The following MRAP2 variants were observed in gnomAD, a reference collection of about 807,000 sequenced individuals.
MRAP2 encodes the protein melanocortin-2 receptor accessory protein 2.
A neutral mutation model predicts 17.4 loss-of-function variants in MRAP2; 20 were observed. The ratio of observed to expected loss-of-function variants is 1.15; its 90% confidence interval spans 0.81 to 1.67. MRAP2 has a LOEUF of 1.67. Ranked by LOEUF, MRAP2 falls within the 40% of genes most tolerant of loss-of-function variation. The pLI is 0.00. For missense variants in MRAP2, 238 were observed against 240.0 expected, an observed-to-expected ratio of 0.99 and a Z score of 0.05; for synonymous variants, 96 against 88.4, an observed-to-expected ratio of 1.09 and a Z score of -0.48.
chr6:84,072,220 T>C (rs372508565), intron 3 of MRAP2, among the ~76,000 whole-genome samples: 129 of 152,328 alleles, frequency 8.5e-4, no homozygotes, highest in African/African-American at 3.0e-3. Context: ...AGAGGGAAAC[T>C]CTAGGGCTGA....
Position 84,052,703 on chromosome 6 carries a change from A to C in MRAP2, c.-7-2609A>C, listed in dbSNP as rs973871122. The C allele has an allele frequency of 3.7e-5, 17 of 464,916 alleles. No individual in the cohort carries two copies. The Admixed American group carries it at 1.1e-3, about 30-fold the overall frequency. 28.8% of individuals were successfully genotyped at this position (464,916 alleles called of 1,614,324 possible). A position where few individuals can be genotyped will look rare whatever the true frequency, so the allele number is the denominator to read the frequency against. ...AGACAAATGCCCCTCCTTTTGTTTG[A>C]AGGCTACCCAGGCAACTGGTGGCTG... On this transcript the variant is annotated intron_variant, in intron 1 of 3. Coordinates refer to ENST00000257776, the MANE Select transcript of MRAP2 (RefSeq NM_138409.4).
chr6:84,137,462 C>G, the MRAP2 span, among the ~76,000 whole-genome samples: 3 of 151,884 alleles, frequency 2.0e-5, no homozygotes, highest in Non-Finnish European at 4.4e-5. Flanking sequence ...TATGAGTGGG[C>G]CACAATAGTC....
intron 3 of MRAP2, among the ~76,000 whole-genome samples, chr6:84,079,655 A>G (rs1006705594): frequency 2.0e-5 from 3 of 152,242 alleles, no homozygotes; most frequent in African/African-American, 7.2e-5. Flanking sequence ...GGCTCTCTGA[A>G]AGAAAATGAT....
intron 1 of MRAP2, among the ~76,000 whole-genome samples, chr6:84,045,904 G>A (rs770368144): frequency 1.3e-5 from 2 of 152,202 alleles, no homozygotes; most frequent in Admixed American, 1.3e-4. Flanking sequence ...AAGCAACTTG[G>A]TATTTCGTTA....
the MRAP2 span, among the ~76,000 whole-genome samples, chr6:84,097,410 T>C: frequency 6.6e-6 from 1 of 152,240 alleles, no homozygotes; most frequent in Non-Finnish European, 1.5e-5. Flanking sequence ...TGCTTAGCTC[T>C]ATATTACTTT....
Position 84,063,109 on chromosome 6 carries a change from A to C in MRAP2, c.227+117A>C. 2.6e-6 allele frequency: 4 copies of C among 1,522,290 alleles called. No homozygotes were observed. In the South Asian group the frequency reaches 4.8e-5, roughly 18 times the overall value. 94.3% of individuals were successfully genotyped at this position (1,522,290 alleles called of 1,614,324 possible). On this transcript the variant is annotated intron_variant, in intron 3 of 3. Coordinates refer to ENST00000257776, the MANE Select transcript of MRAP2 (RefSeq NM_138409.4). ...GATGAAGAGAAGGGGGTGGTTATAG[A>C]TTTGCTGTCTGGACCCAGATGCCCG...
At chr6:84,073,202 C>G (rs752442884) in intron 3 of MRAP2, among the ~76,000 whole-genome samples, 6 of 152,222 alleles carry the variant, frequency 3.9e-5, no homozygotes, top group Non-Finnish European at 7.3e-5. Flanking sequence ...CTATATATTC[C>G]TATGGTGCTA....
chr6:84,100,508 C>A, the MRAP2 span, among the ~76,000 whole-genome samples: 1 of 152,174 alleles, frequency 6.6e-6, no homozygotes, highest in African/African-American at 2.4e-5. Context: ...CTCAAGCAAT[C>A]CACCTGCTTC....
chr6:84,103,114 G>T, the MRAP2 span, among the ~76,000 whole-genome samples: 1 of 152,216 alleles, frequency 6.6e-6, no homozygotes, highest in Admixed American at 6.5e-5. Context: ...GAATAGAGAT[G>T]ATGAAACATA....
At chr6:84,052,216 A>G (rs562719206) in intron 1 of MRAP2, among the ~76,000 whole-genome samples, 1 of 152,292 alleles carries the variant, frequency 6.6e-6, no homozygotes, top group Admixed American at 6.5e-5. Context: ...GCAGCCATAC[A>G]GAGAGCAGCT....
the MRAP2 span, among the ~76,000 whole-genome samples, chr6:84,122,984 T>TACAC: frequency 6.6e-6 from 1 of 150,490 alleles, no homozygotes; most frequent in African/African-American, 2.4e-5. Flanking sequence ...TTATAATAGC[T>TACAC]ACACACACAC....
the MRAP2 span, chr6:84,125,351 A>G: frequency 7.6e-7 from 1 of 1,310,016 alleles, no homozygotes; most frequent in African/African-American, 1.5e-5. Flanking sequence ...ATCTTAAAGT[A>G]GGCAAACCTG....
At chr6:84,102,991 A>G in the MRAP2 span, among the ~76,000 whole-genome samples, 1 of 152,246 alleles carries the variant, frequency 6.6e-6, no homozygotes, top group East Asian at 1.9e-4. Flanking sequence ...GGTGGTAGCT[A>G]TGAAAATGTA....
chr6:84,143,191 T>G, the MRAP2 span, among the ~76,000 whole-genome samples: 1 of 152,076 alleles, frequency 6.6e-6, no homozygotes, highest in African/African-American at 2.4e-5. Context: ...AGACTCATAT[T>G]GCTGAACATA....
At chr6:84,133,808 C>A in the MRAP2 span, among the ~76,000 whole-genome samples, 1 of 152,154 alleles carries the variant, frequency 6.6e-6, no homozygotes, top group South Asian at 2.1e-4. Context: ...ACCCCTTGCG[C>A]TTCCTGGGTG....
At chr6:84,077,662 T>C (rs572943342) in intron 3 of MRAP2, among the ~76,000 whole-genome samples, 1 of 152,344 alleles carries the variant, frequency 6.6e-6, no homozygotes, top group South Asian at 2.1e-4. Context: ...TTTTTGATGT[T>C]ATTGTGAATG....
At chr6:84,114,433 C>T in the MRAP2 span, among the ~76,000 whole-genome samples, 33 of 152,040 alleles carry the variant, frequency 2.2e-4, no homozygotes, top group Non-Finnish European at 8.8e-5. Flanking sequence ...TCCATCAGGT[C>T]ATTGATGTTC....
chr6:84,127,911 T>C, the MRAP2 span, among the ~76,000 whole-genome samples: 2 of 152,180 alleles, frequency 1.3e-5, no homozygotes. Flanking sequence ...TGTGTTTGAA[T>C]TGAGTCTTAA....
intron 1 of MRAP2, chr6:84,035,601 A>AGC (rs1244779799): frequency 2.8e-5 from 5 of 177,158 alleles, no homozygotes; most frequent in Non-Finnish European, 5.5e-5. Flanking sequence ...TGTTTTGTGA[A>AGC]GCGCGCGCTG....
Sources: allele counts gnomAD v4.1 joint callset (sites outside exome capture counted in the v4.1 genomes callset), GRCh38; gene constraint gnomAD v4.1.1; transcripts MANE v1.5; gene names NCBI Gene and HGNC (gene_info 2026-07-23, HGNC 2026-07-21).